The following CCDC178 variants were observed in gnomAD, a reference collection of about 807,000 sequenced individuals.
The protein encoded by CCDC178 is coiled-coil domain-containing protein 178.
In CCDC178, 126 loss-of-function variants were observed where a neutral mutation model predicts 117.4. The ratio of observed to expected loss-of-function variants is 1.07; its 90% CI spans 0.93 to 1.24. The LOEUF is 1.24. CCDC178 is among the 50% of genes most tolerant of loss of function. The probability of loss-of-function intolerance (pLI) is 0.00; values close to 1 mark genes in which losing one functional copy is unlikely to be tolerated. For missense variants in CCDC178, 1,030 were observed against 986.9 expected (o/e 1.04, Z -0.59); for synonymous variants, 283 against 313.4 (o/e 0.90, Z 1.02).
At chr18:33,115,671 C>A (rs1246475934) in intron 20 of CCDC178, among the ~76,000 whole-genome samples, 5 of 151,972 alleles carry the variant, frequency 3.3e-5, no homozygotes, top group Non-Finnish European at 7.4e-5. Flanking sequence ...TCCCCCGCCG[C>A]CGCCCTGCTA....
intron 20 of CCDC178, among the ~76,000 whole-genome samples, chr18:33,173,211 G>T (rs1044074432): frequency 2.6e-5 from 4 of 151,890 alleles, no homozygotes; most frequent in Non-Finnish European, 4.4e-5. Context: ...TACCATGCCT[G>T]GATAATTTTT....
chr18:33,295,408 A>AAGT (rs1456034532), intron 11 of CCDC178, among the ~76,000 whole-genome samples: 1 of 152,148 alleles, frequency 6.6e-6, no homozygotes, highest in Admixed American at 6.5e-5. Flanking sequence ...GTGTGACACC[A>AAGT]AGTACATGAT....
chr18:33,107,393 T>C (rs559291383), intron 20 of CCDC178, among the ~76,000 whole-genome samples: 2 of 151,670 alleles, frequency 1.3e-5, no homozygotes, highest in African/African-American at 2.4e-5. Context: ...CAAGTGACTT[T>C]AGAGAGTCTG....
intron 2 of CCDC178, among the ~76,000 whole-genome samples, chr18:33,434,081 C>T (rs2064256909): frequency 6.6e-6 from 1 of 151,976 alleles, no homozygotes; most frequent in Non-Finnish European, 1.5e-5. Flanking sequence ...TTGAGAAGCA[C>T]TAAATGAAGC....
chr18:33,074,078 A>C (rs2057161655), intron 21 of CCDC178, among the ~76,000 whole-genome samples: 1 of 152,086 alleles, frequency 6.6e-6, no homozygotes, highest in Admixed American at 6.6e-5. Context: ...CTGAATGAGG[A>C]AGAGACTGGA....
chr18:33,305,222 C>T (rs951434585), intron 11 of CCDC178, among the ~76,000 whole-genome samples: 8 of 152,164 alleles, frequency 5.3e-5, no homozygotes, highest in African/African-American at 1.4e-4. Flanking sequence ...GGTTTACAAC[C>T]GCATCTGCCA....
intron 20 of CCDC178, among the ~76,000 whole-genome samples, chr18:33,160,493 T>C (rs2058449881): frequency 6.6e-6 from 1 of 152,270 alleles, no homozygotes; most frequent in African/African-American, 2.4e-5. Flanking sequence ...TTGCCTTAGA[T>C]AAGTAGAATT....
At chr18:33,232,814 T>C (rs2059382230) in intron 15 of CCDC178, among the ~76,000 whole-genome samples, 1 of 152,216 alleles carries the variant, frequency 6.6e-6, no homozygotes, top group Non-Finnish European at 1.5e-5. Flanking sequence ...TTAAAGTTAT[T>C]ATCTCTGGTA....
intron 3 of CCDC178, among the ~76,000 whole-genome samples, chr18:33,401,017 C>T (rs1170580977): frequency 6.6e-6 from 1 of 152,006 alleles, no homozygotes; most frequent in Non-Finnish European, 1.5e-5. Flanking sequence ...AACAAAGAGG[C>T]TACAGGAGAG....
chr18:33,293,675 T>C (rs752475031), intron 11 of CCDC178, among the ~76,000 whole-genome samples: 2 of 151,984 alleles, frequency 1.3e-5, no homozygotes, highest in Non-Finnish European at 2.9e-5. Flanking sequence ...AAAAAAATTA[T>C]ATAAATGAGT....
At chr18:33,081,945 A>C (rs925109748) in intron 21 of CCDC178, among the ~76,000 whole-genome samples, 1 of 152,202 alleles carries the variant, frequency 6.6e-6, no homozygotes, top group African/African-American at 2.4e-5. Context: ...TTCAACTGAC[A>C]AAAGGAAAGT....
Position 33,006,841 on chromosome 18 carries a change from C to T in CCDC178, c.2389-32160G>A, listed in dbSNP as rs2055760831. On this transcript the variant is annotated intron_variant, in intron 21 of 22. Coordinates refer to ENST00000383096, the MANE Select transcript of CCDC178 (RefSeq NM_001105528.4). ...GGTCTCTAGAAGATGAGAGTTGTCC[C>T]TTACTGACAGCCAGCAAGAAAAACT... 2.0e-5 allele frequency among the ~76,000 whole-genome samples: 3 copies of T among 151,998 alleles called. No individual in the cohort carries two copies. The South Asian group carries it at 6.2e-4, about 31-fold the overall frequency.
At chr18:33,368,323 T>C (rs1453456960) in intron 6 of CCDC178, among the ~76,000 whole-genome samples, 1 of 151,898 alleles carries the variant, frequency 6.6e-6, no homozygotes, top group African/African-American at 2.4e-5. Context: ...AAAGGTTCTG[T>C]TTTAGATCTT....
chr18:33,359,250 T>G (rs1355489237), intron 6 of CCDC178, among the ~76,000 whole-genome samples: 1 of 151,818 alleles, frequency 6.6e-6, no homozygotes, highest in East Asian at 1.9e-4. Flanking sequence ...ATCATTTATT[T>G]TATAAAGATA....
Position 33,070,046 on chromosome 18 carries a change from G to C in CCDC178, c.2388+22715C>G, listed in dbSNP as rs142653264. On this transcript the variant is annotated intron_variant, in intron 21 of 22. Transcript: ENST00000383096. ...CAACAAATGCTGGAAATAATACAGA[G>C]AAAAGGGAACTCTTATACAATGTTG... Among the ~76,000 whole-genome samples the C allele has an allele frequency of 1.6e-3, 251 of 152,160 alleles. 1 individual carries two copies. Among genetic ancestry groups the C allele is most frequent in the Middle Eastern group, 3.4e-3 (1 of 294 alleles).
intron 20 of CCDC178, among the ~76,000 whole-genome samples, chr18:33,148,528 G>A (rs938005868): frequency 6.6e-6 from 1 of 151,960 alleles, no homozygotes; most frequent in African/African-American, 2.4e-5. Context: ...CCATTCTGAA[G>A]GCTTGGGGAA....
intron 21 of CCDC178, among the ~76,000 whole-genome samples, chr18:33,071,904 G>C (rs2057115887): frequency 6.6e-6 from 1 of 152,018 alleles, no homozygotes; most frequent in African/African-American, 2.4e-5. Flanking sequence ...GGTATAAGGA[G>C]GAGATAAAAA....
chr18:33,122,654 G>A (rs1034340407), intron 20 of CCDC178, among the ~76,000 whole-genome samples: 3 of 152,018 alleles, frequency 2.0e-5, no homozygotes, highest in Non-Finnish European at 4.4e-5. Flanking sequence ...TGATAAATGA[G>A]CAACAATGCA....
intron 9 of CCDC178, among the ~76,000 whole-genome samples, chr18:33,342,434 T>C (rs898819381): frequency 1.3e-5 from 2 of 152,218 alleles, no homozygotes; most frequent in African/African-American, 2.4e-5. Flanking sequence ...TTTCTTATCA[T>C]ATAGATTCTT....
Sources: gnomAD v4.1 joint callset for allele counts (sites outside exome capture counted in the v4.1 genomes callset) on GRCh38, gnomAD v4.1.1 for gene constraint, MANE v1.5 for transcripts, NCBI Gene and HGNC (gene_info 2026-07-23, HGNC 2026-07-21) for gene names.